Variants in KCNIP4 observed in about 807,000 individuals in gnomAD.
KCNIP4 encodes Kv channel-interacting protein 4.
Under a neutral mutation model 34.0 loss-of-function variants are expected in KCNIP4, and 12 were observed. The ratio of observed to expected loss-of-function variants is 0.35; its 90% CI spans 0.23 to 0.57. The LOEUF is 0.57. Ranked by LOEUF, KCNIP4 falls within the 20% of genes least tolerant of loss-of-function variation. The pLI, the probability that KCNIP4 is intolerant of heterozygous loss-of-function variation, is 0.83. For synonymous variants in KCNIP4, 124 were observed against 102.2 expected (o/e 1.21, Z -1.29); for missense variants, 238 against 311.7 (o/e 0.76, Z 1.78).
At chr4:20,993,477 C>G (rs1286958381) in intron 1 of KCNIP4, among the ~76,000 whole-genome samples, 1 of 152,120 alleles carries the variant, frequency 6.6e-6, no homozygotes, top group Non-Finnish European at 1.5e-5. Context: ...ATCAGTGAAG[C>G]TAGGGGTCAC....
intron 1 of KCNIP4, among the ~76,000 whole-genome samples, chr4:21,151,399 A>G (rs1023890692): frequency 6.8e-6 from 1 of 147,654 alleles, no homozygotes; most frequent in African/African-American, 2.5e-5. Context: ...GTCTTCAACA[A>G]AAGACAATTT....
At chr4:21,380,472 AGAGG>A (rs1385544746) in intron 1 of KCNIP4, among the ~76,000 whole-genome samples, 44 of 147,594 alleles carry the variant, frequency 3.0e-4, no homozygotes, top group African/African-American at 1.0e-3. Context: ...AGAGAGAGAG[AGAGG>A]GAGAGAGAGA....
rs143184026 is a variant in KCNIP4, at chr4:21,700,765, AT to A, written c.61+247805del. 3.3e-3 allele frequency among the ~76,000 whole-genome samples: 498 copies of A among 152,168 alleles called. 4 individuals carry two copies. The highest frequency in any genetic ancestry group is 0.011 in the African/African-American group (453 of 41,520). On this transcript the variant is annotated intron_variant, in intron 1 of 8. Coordinates refer to ENST00000382152, the MANE Select transcript of KCNIP4 (RefSeq NM_025221.6). The stretch of plus-strand genomic sequence containing the variant: ...AGTATTTAATCTATTTTGAGTTAAT[AT>A]TTTTGTATATGATGTGAGATAAAGG...
At chr4:21,669,387 C>T (rs995939732) in intron 1 of KCNIP4, among the ~76,000 whole-genome samples, 5 of 152,216 alleles carry the variant, frequency 3.3e-5, no homozygotes, top group African/African-American at 1.2e-4. Context: ...GCATGAGACA[C>T]CATGCCCAGC....
chr4:21,293,159 C>T (rs1436571419), intron 1 of KCNIP4, among the ~76,000 whole-genome samples: 1 of 152,152 alleles, frequency 6.6e-6, no homozygotes, highest in Non-Finnish European at 1.5e-5. Flanking sequence ...TGGCTTCTTA[C>T]ATTGTATCTA....
chr4:21,505,222 A>AT (rs1161878046), intron 1 of KCNIP4, among the ~76,000 whole-genome samples: 7 of 151,640 alleles, frequency 4.6e-5, no homozygotes, highest in Non-Finnish European at 7.4e-5. Context: ...AGTTTCATAG[A>AT]TTTTTCCCCC....
chr4:20,927,517 A>G (rs1730020833), intron 1 of KCNIP4, among the ~76,000 whole-genome samples: 1 of 152,226 alleles, frequency 6.6e-6, no homozygotes, highest in South Asian at 2.1e-4. Context: ...TTTGAAGACT[A>G]TACTCGCTTA....
At chr4:21,843,047 T>C (rs559235476) in intron 1 of KCNIP4, among the ~76,000 whole-genome samples, 24 of 152,242 alleles carry the variant, frequency 1.6e-4, no homozygotes, top group African/African-American at 5.3e-4. Context: ...TGTTTTGCTT[T>C]ATATTATTTT....
intron 7 of KCNIP4, 113 bp from the exon 8 acceptor site, chr4:20,732,181 C>A: frequency 1.4e-6 from 1 of 711,150 alleles, no homozygotes; most frequent in South Asian, 1.8e-5. Flanking sequence ...ATTTATTTCA[C>A]GTGGAGGAAC....
At chr4:20,907,304 A>G (rs544688933) in intron 1 of KCNIP4, among the ~76,000 whole-genome samples, 1 of 152,284 alleles carries the variant, frequency 6.6e-6, no homozygotes, top group East Asian at 1.9e-4. Context: ...CAACTAATAT[A>G]TATTAATGTA....
chr4:20,867,968 T>C (rs867475473), intron 2 of KCNIP4, among the ~76,000 whole-genome samples: 1 of 151,862 alleles, frequency 6.6e-6, no homozygotes, highest in Middle Eastern at 3.4e-3. Context: ...TGTATACATA[T>C]GTAACAAACC....
intron 8 of KCNIP4, chr4:20,731,664 AAT>A (rs1052005997): frequency 4.6e-5 from 45 of 985,100 alleles, no homozygotes; most frequent in Non-Finnish European, 5.3e-5. Flanking sequence ...TATGATAGAT[AAT>A]ATATGAGTGA....
At chr4:21,486,734 T>C (rs1423953616) in intron 1 of KCNIP4, among the ~76,000 whole-genome samples, 1 of 152,192 alleles carries the variant, frequency 6.6e-6, no homozygotes, top group Non-Finnish European at 1.5e-5. Context: ...ATTTCCCATA[T>C]ATGCTGTATG....
chr4:20,866,356 T>C (rs1457080136), intron 2 of KCNIP4, among the ~76,000 whole-genome samples: 6 of 152,068 alleles, frequency 3.9e-5, no homozygotes, highest in Admixed American at 3.9e-4. Context: ...GTTCAACATA[T>C]GCAAATCAAT....
intron 1 of KCNIP4, chr4:21,315,330 C>G (rs1361415280): frequency 6.5e-6 from 1 of 154,280 alleles, no homozygotes; most frequent in Non-Finnish European, 1.4e-5. Context: ...TCTACTTCCA[C>G]TTAATAAATG....
intron 1 of KCNIP4, among the ~76,000 whole-genome samples, chr4:21,017,039 A>G (rs1233826762): frequency 1.3e-5 from 2 of 152,192 alleles, no homozygotes; most frequent in East Asian, 3.8e-4. Flanking sequence ...TTAGATCTGA[A>G]TCACACAATT....
At chr4:21,932,623 T>C (rs1023090943) in intron 1 of KCNIP4, among the ~76,000 whole-genome samples, 10 of 152,074 alleles carry the variant, frequency 6.6e-5, no homozygotes, top group Non-Finnish European at 1.3e-4. Flanking sequence ...ATCATTTTAC[T>C]GGTGTTCTGA....
chr4:21,512,297 T>G (rs1734406755), intron 1 of KCNIP4, among the ~76,000 whole-genome samples: 1 of 152,180 alleles, frequency 6.6e-6, no homozygotes, highest in Non-Finnish European at 1.5e-5. Context: ...CATTTTGAAC[T>G]GAGTTCATTA....
chr4:21,365,263 T>A (rs569827224), intron 1 of KCNIP4, among the ~76,000 whole-genome samples: 1 of 152,178 alleles, frequency 6.6e-6, no homozygotes, highest in South Asian at 2.1e-4. Flanking sequence ...GGTGGGCGGA[T>A]CACTTGAGGT....
Sources: allele counts gnomAD v4.1 joint callset (sites outside exome capture counted in the v4.1 genomes callset), GRCh38; gene constraint gnomAD v4.1.1; transcripts MANE v1.5; gene names NCBI Gene and HGNC (gene_info 2026-07-23, HGNC 2026-07-21).